Variants in WNT3A observed in about 807,000 individuals in gnomAD.
WNT3A encodes Wnt family member 3A.
A neutral mutation model predicts 37.0 loss-of-function variants in WNT3A; 17 were observed. The ratio of observed to expected loss-of-function variants is 0.46; its 90% CI spans 0.31 to 0.69. The LOEUF (loss-of-function observed/expected upper bound fraction) is 0.69. Ranked by LOEUF, WNT3A falls within the 30% of genes least tolerant of loss-of-function variation. The pLI, the probability that WNT3A is intolerant of heterozygous loss-of-function variation, is 0.05. For missense variants in WNT3A, 411 were observed against 510.2 expected (o/e 0.81, Z 1.87); for synonymous variants, 187 against 211.0 (o/e 0.89, Z 0.99).
intron 1 of WNT3A, among the ~76,000 whole-genome samples, chr1:228,018,298 G>A (rs2030589743): frequency 6.6e-6 from 1 of 152,188 alleles, no homozygotes; most frequent in Non-Finnish European, 1.5e-5. Flanking sequence ...ACAGGTCATA[G>A]TTTCCCAAGC....
chr1:228,033,567 A>C (rs1350451938), intron 2 of WNT3A, among the ~76,000 whole-genome samples: 1 of 152,052 alleles, frequency 6.6e-6, no homozygotes, highest in Non-Finnish European at 1.5e-5. Context: ...TGATTATTGT[A>C]GTTTTGTAGT....
chr1:228,055,178 AAAT>A (rs575138780), intron 3 of WNT3A, among the ~76,000 whole-genome samples: 3 of 46,980 alleles, frequency 6.4e-5, no homozygotes, highest in Non-Finnish European at 1.1e-4. Flanking sequence ...AAAAAAAAAA[AAAT>A]ATATATATAT....
intron 2 of WNT3A, among the ~76,000 whole-genome samples, chr1:228,043,929 G>A (rs998283495): frequency 4.6e-5 from 7 of 151,914 alleles, no homozygotes; most frequent in Non-Finnish European, 1.0e-4. Flanking sequence ...CATTCTGGGG[G>A]GTCTTCCTTC....
intron 3 of WNT3A, among the ~76,000 whole-genome samples, chr1:228,051,608 T>C (rs2031556864): frequency 6.6e-6 from 1 of 152,194 alleles, no homozygotes; most frequent in Non-Finnish European, 1.5e-5. Flanking sequence ...TCCTCATGGA[T>C]GATGCCTTCT....
intron 1 of WNT3A, among the ~76,000 whole-genome samples, chr1:228,009,182 T>A (rs2030298534): frequency 6.6e-6 from 1 of 151,942 alleles, no homozygotes; most frequent in Non-Finnish European, 1.5e-5. Context: ...AGAAGCAGCC[T>A]CCCCTTGGGG....
chr1:228,036,672 T>C (rs1571805096), intron 2 of WNT3A, among the ~76,000 whole-genome samples: 2 of 152,322 alleles, frequency 1.3e-5, no homozygotes, highest in East Asian at 3.9e-4. Context: ...GGGCACACCG[T>C]GCAGCTTCTC....
chr1:228,040,233 C>T (rs1366898904), intron 2 of WNT3A, among the ~76,000 whole-genome samples: 2 of 152,296 alleles, frequency 1.3e-5, no homozygotes, highest in African/African-American at 4.8e-5. Flanking sequence ...TGCTGTGCAG[C>T]CTGGGGCCCA....
In WNT3A at chr1:228,007,900, G is replaced by C. The variant is rs1282683682; in HGVS notation, c.71+701G>C. Among the ~76,000 whole-genome samples the C allele has an allele frequency of 2.6e-5, 4 of 152,224 alleles. No individual in the cohort carries two copies. The highest frequency in any genetic ancestry group is 1.5e-5 in the Non-Finnish European group (1 of 68,036). On this transcript the variant is annotated intron_variant, in intron 1 of 3. Coordinates refer to ENST00000284523, the MANE Select transcript of WNT3A (RefSeq NM_033131.4). This position sits in a 1 kb window ranked among gnomAD's most constrained non-coding sequence, Gnocchi z 6.0. ...AGGGTGAGTTAAGCACGGGGTGTGAGGGGCTCCAGGACCCTCAATCAGAAA... is the reference window on the plus strand; with the variant it reads ...AGGGTGAGTTAAGCACGGGGTGTGACGGGCTCCAGGACCCTCAATCAGAAA...
chr1:228,053,103 T>C (rs766909919), intron 3 of WNT3A, among the ~76,000 whole-genome samples: 1 of 152,186 alleles, frequency 6.6e-6, no homozygotes, highest in Non-Finnish European at 1.5e-5. Context: ...GTTCCTCCCT[T>C]CTGGAGGACA....
intron 2 of WNT3A, among the ~76,000 whole-genome samples, chr1:228,049,829 A>C (rs1406028458): frequency 1.3e-5 from 2 of 152,048 alleles, no homozygotes; most frequent in East Asian, 1.9e-4. Flanking sequence ...TCTATCACCC[A>C]TGCTGGAGTG....
At position 228,037,009 on chromosome 1, in the gene WNT3A, C is replaced by T. The variant is rs965434146; in HGVS notation, c.314-13647C>T. Among the ~76,000 whole-genome samples the T allele has an allele frequency of 9.9e-5, 15 of 152,116 alleles. 1 individual carries two copies. Among genetic ancestry groups the T allele is most frequent in the African/African-American group, 3.6e-4 (15 of 41,418 alleles). ...CGGTGCCCTCTAACATGGGCTGGGC[C>T]CAGGAGTCCCCCCGGGCCCTGGCAC... On this transcript the variant is annotated intron_variant, in intron 2 of 3. Transcript: ENST00000284523. The surrounding 1 kb of genome is among the most constrained non-coding windows in gnomAD (Gnocchi z 4.1).
intron 2 of WNT3A, among the ~76,000 whole-genome samples, chr1:228,047,690 A>G (rs1286510047): frequency 6.6e-6 from 1 of 152,212 alleles, no homozygotes; most frequent in Non-Finnish European, 1.5e-5. Flanking sequence ...CAGGCTGCAC[A>G]GGAAGTGTGG....
At position 228,018,583 on chromosome 1, in the gene WNT3A, G is replaced by A. The variant is rs146320312; in HGVS notation, c.72-4084G>A. Among the ~76,000 whole-genome samples, 1,240 of 152,070 alleles carry A rather than the reference G, an allele frequency of 8.2e-3. 19 individuals are homozygous for A. The highest frequency in any genetic ancestry group is 0.028 in the African/African-American group (1,163 of 41,460). On this transcript the variant is annotated intron_variant, in intron 1 of 3. Coordinates refer to ENST00000284523, the MANE Select transcript of WNT3A (RefSeq NM_033131.4). ...AACCTTTGTATTTTTGTAGAGATGG[G>A]GTCTTGCTCTGTTGCCCAGATTGGT...
chr1:228,030,264 TG>T (rs1332559819), intron 2 of WNT3A, among the ~76,000 whole-genome samples: 1 of 150,872 alleles, frequency 6.6e-6, no homozygotes, highest in African/African-American at 2.4e-5. Flanking sequence ...AGGGGGGTGG[TG>T]GGCATCTGTA....
chr1:228,011,991 A>G (rs1333524165), intron 1 of WNT3A, among the ~76,000 whole-genome samples: 1 of 152,264 alleles, frequency 6.6e-6, no homozygotes, highest in Non-Finnish European at 1.5e-5. Context: ...CACCTCAGGC[A>G]CTGGCCAGCT....
intron 3 of WNT3A, among the ~76,000 whole-genome samples, chr1:228,054,852 A>G (rs886636381): frequency 3.3e-5 from 5 of 151,234 alleles, no homozygotes; most frequent in African/African-American, 1.2e-4. Flanking sequence ...AGGAAACTAG[A>G]AACTATAAAA....
intron 3 of WNT3A, among the ~76,000 whole-genome samples, chr1:228,055,535 AG>A (rs1455293255): frequency 2.0e-5 from 3 of 152,076 alleles, no homozygotes; most frequent in Non-Finnish European, 2.9e-5. Flanking sequence ...TAGATTAGAT[AG>A]ATGGATGAAT....
Position 228,050,607 on chromosome 1 carries a change from GT to G in WNT3A, c.314-48del, listed in dbSNP as rs1237274454. The G allele has an allele frequency of 6.5e-7, 1 of 1,534,162 alleles. No individual in the cohort carries two copies. The highest frequency in any genetic ancestry group is 8.8e-7 in the Non-Finnish European group (1 of 1,139,528). The stretch of plus-strand genomic sequence containing the variant: ...TAAGACCCCTGACCTGCCCAAGGCG[GT>G]CCTTTGAGCTGAGCCCTGTTAACCC... On this transcript the variant is annotated intron_variant, in intron 2 of 3. Transcript: ENST00000284523. This position sits in a 1 kb window ranked among gnomAD's most constrained non-coding sequence, Gnocchi z 5.0.
rs1176958226 is a variant in WNT3A, at chr1:228,059,811, G to A, written c.*346G>A. ...TCTTGGGTGGGACAGGGCTTCTCCTGCGGGGGCGAGGCCCCTCCCAGTAAG... is the reference window on the plus strand; with the variant it reads ...TCTTGGGTGGGACAGGGCTTCTCCTACGGGGGCGAGGCCCCTCCCAGTAAG... On this transcript the variant is annotated 3_prime_UTR_variant, in exon 4 of 4. Coordinates refer to ENST00000284523, the MANE Select transcript of WNT3A (RefSeq NM_033131.4). 2.7e-6 allele frequency: 3 copies of A among 1,102,078 alleles called. No individual in the cohort carries two copies. The highest frequency in any genetic ancestry group is 3.3e-6 in the Non-Finnish European group (3 of 904,020). The allele number at this position is 1,102,078 out of a possible 1,614,324, so 68.3% of individuals were successfully genotyped here.
Sources: allele counts gnomAD v4.1 joint callset (sites outside exome capture counted in the v4.1 genomes callset), GRCh38; gene constraint gnomAD v4.1.1; non-coding constraint Gnocchi (gnomAD v3.1); transcripts MANE v1.5; gene names NCBI Gene and HGNC (gene_info 2026-07-23, HGNC 2026-07-21).